The following ZFAT variants were observed in gnomAD, a reference collection of about 807,000 sequenced individuals.
The protein encoded by ZFAT is zinc finger protein ZFAT.
In ZFAT, 64 loss-of-function variants were observed where a neutral mutation model predicts 117.7. That is an observed-to-expected ratio of 0.54 (90% CI 0.44 to 0.67). The LOEUF (loss-of-function observed/expected upper bound fraction) is 0.67. ZFAT is among the 30% of genes least tolerant of loss of function. The pLI, the probability that ZFAT is intolerant of heterozygous loss-of-function variation, is 0.00. For synonymous variants in ZFAT, 679 were observed against 615.0 expected (o/e 1.10, Z -1.54); for missense variants, 1,433 against 1,584.5 (o/e 0.90, Z 1.62).
intron 15 of ZFAT, among the ~76,000 whole-genome samples, chr8:134,501,212 G>GAGGCCTTCTTAGGAT (rs1274710676): frequency 3.9e-5 from 6 of 152,216 alleles, no homozygotes; most frequent in Non-Finnish European, 8.8e-5. Context: ...TAGATCATCT[G>GAGGCCTTCTTAGGAT]AGGCCTAAGA....
chr8:134,730,350 G>A, the ZFAT span, among the ~76,000 whole-genome samples: 2 of 152,226 alleles, frequency 1.3e-5, no homozygotes, highest in African/African-American at 4.8e-5. Context: ...TTTTAAAGGT[G>A]CACGTGGCAC....
At chr8:134,780,485 T>C in the ZFAT span, among the ~76,000 whole-genome samples, 14 of 152,244 alleles carry the variant, frequency 9.2e-5, no homozygotes, top group Non-Finnish European at 1.8e-4. Context: ...ATGTATTCTT[T>C]CCTTGTCTCC....
intron 1 of ZFAT, among the ~76,000 whole-genome samples, chr8:134,700,981 C>T (rs1328019711): frequency 6.6e-6 from 1 of 152,116 alleles, no homozygotes; most frequent in East Asian, 1.9e-4. Context: ...CAGTCAGTGC[C>T]CTCACCCCCC....
At chr8:134,603,311 AG>A (rs1353640073) in intron 5 of ZFAT, among the ~76,000 whole-genome samples, 1 of 152,200 alleles carries the variant, frequency 6.6e-6, no homozygotes, top group Non-Finnish European at 1.5e-5. Flanking sequence ...AGGCAAGAGA[AG>A]GAAGAAGGAA....
intron 15 of ZFAT, among the ~76,000 whole-genome samples, chr8:134,508,153 A>T (rs1481134787): frequency 6.6e-6 from 1 of 152,206 alleles, no homozygotes; most frequent in African/African-American, 2.4e-5. Flanking sequence ...ACATTCATCT[A>T]GATATGCTAA....
At chr8:134,761,649 G>A in the ZFAT span, among the ~76,000 whole-genome samples, 3 of 151,724 alleles carry the variant, frequency 2.0e-5, no homozygotes, top group East Asian at 1.9e-4. Context: ...GCAGTGAGCC[G>A]AGATCGTGCC....
intron 12 of ZFAT, 97 bp downstream of exon 12, chr8:134,532,737 G>C: frequency 6.8e-7 from 1 of 1,461,976 alleles, no homozygotes; most frequent in Non-Finnish European, 9.2e-7. Flanking sequence ...CATTTATGTA[G>C]CAGAACTGAA....
the ZFAT span, among the ~76,000 whole-genome samples, chr8:134,829,399 A>C: frequency 2.0e-5 from 3 of 152,202 alleles, no homozygotes; most frequent in Non-Finnish European, 4.4e-5. Flanking sequence ...ATCAGATGAC[A>C]ATTTTCCCAC....
At chr8:134,796,061 C>T in the ZFAT span, 2 of 152,236 alleles carry the variant, frequency 1.3e-5, no homozygotes, top group East Asian at 3.8e-4. Flanking sequence ...GGTGGTGCAC[C>T]TGGAGAAGGC....
chr8:134,831,115 A>G, the ZFAT span, among the ~76,000 whole-genome samples: 1 of 152,356 alleles, frequency 6.6e-6, no homozygotes, highest in East Asian at 1.9e-4. Flanking sequence ...TTACAAAAAG[A>G]TGACTGCTTG....
chr8:134,573,371 G>A (rs964592213), intron 10 of ZFAT, among the ~76,000 whole-genome samples: 9 of 152,274 alleles, frequency 5.9e-5, no homozygotes, highest in South Asian at 4.1e-4. Flanking sequence ...CAACAAATTC[G>A]TTTAAGAAAG....
At chr8:134,595,169 C>A (rs775403813) in intron 7 of ZFAT, among the ~76,000 whole-genome samples, 1 of 152,172 alleles carries the variant, frequency 6.6e-6, no homozygotes, top group African/African-American at 2.4e-5. Context: ...CACATTCATG[C>A]ACACACACTG....
At chr8:134,513,576 C>T (rs1183419177) in intron 13 of ZFAT, among the ~76,000 whole-genome samples, 4 of 152,144 alleles carry the variant, frequency 2.6e-5, no homozygotes, top group East Asian at 1.9e-4. Flanking sequence ...GTTAAAGTGG[C>T]ATTCACAGGT....
chr8:134,501,021 G>A (rs1242056073), intron 15 of ZFAT, among the ~76,000 whole-genome samples: 8 of 152,288 alleles, frequency 5.3e-5, no homozygotes, highest in African/African-American at 1.4e-4. Flanking sequence ...CAACAAAAGC[G>A]TGCAGCTGAA....
intron 3 of ZFAT, among the ~76,000 whole-genome samples, chr8:134,623,317 T>G (rs749288924): frequency 3.4e-4 from 52 of 152,234 alleles, no homozygotes; most frequent in Non-Finnish European, 2.2e-4. Flanking sequence ...CACTCCCCTG[T>G]GGGGGCCTCA....
At chr8:134,735,483 A>G in the ZFAT span, among the ~76,000 whole-genome samples, 1 of 152,210 alleles carries the variant, frequency 6.6e-6, no homozygotes, top group East Asian at 1.9e-4. Flanking sequence ...AAAATGAAGG[A>G]AAAAAATGGC....
the ZFAT span, among the ~76,000 whole-genome samples, chr8:134,781,334 A>T: frequency 6.6e-6 from 1 of 152,008 alleles, no homozygotes; most frequent in Non-Finnish European, 1.5e-5. Flanking sequence ...TATGTCACCC[A>T]AGCTGGTATA....
chr8:134,534,320 T>C (rs1171580130), intron 11 of ZFAT, among the ~76,000 whole-genome samples: 1 of 152,212 alleles, frequency 6.6e-6, no homozygotes, highest in East Asian at 1.9e-4. Context: ...TACCACTGCA[T>C]CTATTAAGAC....
chr8:134,479,726 G>A (rs62523694), intron 15 of ZFAT, among the ~76,000 whole-genome samples: 33,810 of 152,058 alleles, frequency 0.22, 4,010 homozygotes, highest in Admixed American at 0.29. Flanking sequence ...GGGAGAGCAC[G>A]TGCTTTGTCC....
Sources: gnomAD v4.1 joint callset for allele counts (sites outside exome capture counted in the v4.1 genomes callset) on GRCh38, gnomAD v4.1.1 for gene constraint, MANE v1.5 for transcripts, NCBI Gene and HGNC (gene_info 2026-07-23, HGNC 2026-07-21) for gene names.